Variants in CASP4 observed in about 807,000 individuals in gnomAD.
CASP4 encodes caspase-4.
CASP4 carries 29 observed loss-of-function variants against 41.3 expected under a neutral mutation model. The ratio of observed to expected loss-of-function variants is 0.70; its 90% CI spans 0.52 to 0.96. The LOEUF (loss-of-function observed/expected upper bound fraction) is 0.96, where lower values mean the gene tolerates loss of function less well. CASP4 is among the 40% of genes least tolerant of loss of function. The pLI, the probability that CASP4 is intolerant of heterozygous loss-of-function variation, is 0.00. For missense variants in CASP4, 447 were observed against 460.6 expected (o/e 0.97, Z 0.27); for synonymous variants, 185 against 158.4 (o/e 1.17, Z -1.26).
chr11:104,961,533 TG>T (rs1265838164), intron 1 of CASP4, among the ~76,000 whole-genome samples: 1 of 152,054 alleles, frequency 6.6e-6, no homozygotes, highest in Non-Finnish European at 1.5e-5. Flanking sequence ...CATTGCAGGG[TG>T]TCTGTTTGTA....
intron 1 of CASP4, chr11:104,956,667 C>T: frequency 1.0e-6 from 1 of 984,634 alleles, no homozygotes; most frequent in Non-Finnish European, 1.2e-6. Context: ...AACATTAGTG[C>T]ATTCCAACAG....
chr11:104,959,718 T>C (rs978574604), intron 1 of CASP4, among the ~76,000 whole-genome samples: 11 of 152,184 alleles, frequency 7.2e-5, no homozygotes, highest in Non-Finnish European at 1.0e-4. Flanking sequence ...TAGTAAATAA[T>C]ACCTATACTC....
rs1861025907 is a variant in CASP4 at position 104,968,535 on chromosome 11, C to A, written c.-10G>T. The A allele has an allele frequency of 6.2e-7, 1 of 1,613,070 alleles. No individual in the cohort carries two copies. The highest frequency in any genetic ancestry group is 8.5e-7 in the Non-Finnish European group (1 of 1,179,210). On this transcript the variant is annotated 5_prime_UTR_variant, in exon 1 of 9. Transcript: ENST00000444739. The stretch of plus-strand genomic sequence containing the variant: ...AGGACTCACCTGCCATAGGGAACAG[C>A]CTCTGTCCTTTTTTACAGCGTTGGA...
At chr11:104,947,330 A>T (rs1410901916) in intron 6 of CASP4, 138 bp from the exon 7 acceptor site, 1 of 472,666 alleles carries the variant, frequency 2.1e-6, no homozygotes, top group African/African-American at 2.0e-5. Flanking sequence ...AGCACTTACA[A>T]CCTGACATTT....
At chr11:104,948,279 T>C (rs918248603) in intron 6 of CASP4, 3 of 268,956 alleles carry the variant, frequency 1.1e-5, no homozygotes, top group Non-Finnish European at 2.1e-5. Flanking sequence ...AAAAACACTA[T>C]GTAAAATGTT....
chr11:104,944,534 C>T (rs1012019131), intron 8 of CASP4: 13 of 492,058 alleles, frequency 2.6e-5, no homozygotes, highest in Non-Finnish European at 4.0e-5. Context: ...TCCTTACCTC[C>T]TTGATTGATT....
chr11:104,950,373 C>A (rs775829229), intron 4 of CASP4, among the ~76,000 whole-genome samples: 2 of 152,120 alleles, frequency 1.3e-5, no homozygotes, highest in African/African-American at 2.4e-5. Context: ...CTCATATTTC[C>A]TTTTTATTTT....
Position 104,946,068 on chromosome 11 carries a change from T to A in CASP4, c.1035+1015A>T, listed in dbSNP as rs1173900292. On this transcript the variant is annotated intron_variant, in intron 7 of 8. Transcript: ENST00000444739. ...CCATGTTGCCCAGGTTGGCCTCAAA[T>A]TCCTGGGTTCAAGCCACTCCACCCT... is the stretch of plus-strand genomic sequence containing the variant. Among the ~76,000 whole-genome samples the A allele has an allele frequency of 2.0e-5, 3 of 152,096 alleles. No individual in the cohort carries two copies. In the East Asian group the frequency reaches 5.8e-4, roughly 29 times the overall value.
chr11:104,960,923 T>G (rs1342846990), intron 1 of CASP4, among the ~76,000 whole-genome samples: 7 of 152,368 alleles, frequency 4.6e-5, no homozygotes, highest in Non-Finnish European at 7.3e-5. Context: ...GAATATTTAC[T>G]AATTATTTAC....
chr11:104,949,377 G>C (rs1218049356), intron 5 of CASP4, 166 bp downstream of exon 5: 1 of 708,196 alleles, frequency 1.4e-6, no homozygotes. Context: ...ATTTTGATGA[G>C]ACAATTTCTT....
At chr11:104,951,166 A>T in intron 3 of CASP4, 68 bp from the exon 4 acceptor site, 2 of 1,430,876 alleles carry the variant, frequency 1.4e-6, no homozygotes, top group Non-Finnish European at 1.9e-6. Flanking sequence ...TATGCCTATC[A>T]GTGTTGCTTT....
At position 104,948,556 on chromosome 11, in the gene CASP4, A is replaced by G; in HGVS notation, c.902T>C (p.Ile301Thr). 8 of 1,609,444 alleles carry G rather than the reference A, an allele frequency of 5.0e-6. No homozygotes were observed. Among genetic ancestry groups the G allele is most frequent in the Non-Finnish European group, 6.8e-6 (8 of 1,177,222 alleles). The change falls in exon 6 of 9, where the codon ATT becomes ACT. Residue 301 changes from isoleucine to threonine, a missense_variant. Ile to Thr is a moderately conservative substitution (Grantham distance 89). Transcript: ENST00000444739. ...ACGTGGCGTTGAAGAGCAGAAAGCA[A>G]TGAAGTCCTTCTCCACGTGGGTCTT... is the stretch of plus-strand genomic sequence containing the variant. ...VYKTHVEKDFIAFCSSTPHNV... is the reference protein window; with the variant it reads ...VYKTHVEKDFTAFCSSTPHNV...
chr11:104,952,509 A>G (rs549164197), intron 2 of CASP4, among the ~76,000 whole-genome samples: 1 of 152,136 alleles, frequency 6.6e-6, no homozygotes, highest in African/African-American at 2.4e-5. Context: ...ATAACATACA[A>G]AAAGTATTAT....
At chr11:104,959,739 A>C (rs370675500) in intron 1 of CASP4, among the ~76,000 whole-genome samples, 1 of 152,192 alleles carries the variant, frequency 6.6e-6, no homozygotes, top group African/African-American at 2.4e-5. Flanking sequence ...CAAGTACAAA[A>C]GAGCAGCAAT....
chr11:104,949,805 T>C (rs752058475), intron 4 of CASP4, 28 bp from the exon 5 acceptor site: 24 of 1,603,534 alleles, frequency 1.5e-5, no homozygotes, highest in African/African-American at 4.0e-5. Context: ...CTAACTTCAG[T>C]CAGAGAAGCA....
At chr11:104,957,962 G>C (rs1478310555) in intron 1 of CASP4, among the ~76,000 whole-genome samples, 1 of 151,986 alleles carries the variant, frequency 6.6e-6, no homozygotes, top group Non-Finnish European at 1.5e-5. Context: ...CAAATGAACA[G>C]GACAGAAAAC....
intron 1 of CASP4, among the ~76,000 whole-genome samples, chr11:104,966,508 T>C (rs1047315027): frequency 1.3e-5 from 2 of 152,176 alleles, no homozygotes; most frequent in African/African-American, 2.4e-5. Flanking sequence ...ATAAGCAAAG[T>C]GTGTCTCAGG....
chr11:104,956,787 G>A (rs1860746562), intron 1 of CASP4: 2 of 199,594 alleles, frequency 1.0e-5, no homozygotes, highest in Non-Finnish European at 1.8e-5. Context: ...AGATTAGTGT[G>A]TGGGATATCC....
Position 104,944,863 on chromosome 11 carries a change from A to G in CASP4, c.1036-12T>C, listed in dbSNP as rs766582781. On this transcript the variant is annotated splice_polypyrimidine_tract_variant and intron_variant, in intron 7 of 8. Coordinates refer to ENST00000444739, the MANE Select transcript of CASP4 (RefSeq NM_001225.4). Reference sequence around the variant, plus strand: ...AATGATTGCTGTACCTGAAAAAGAAAATAGGCTGTAGATGAGATACGACTC... The same window carrying G: ...AATGATTGCTGTACCTGAAAAAGAAGATAGGCTGTAGATGAGATACGACTC... The G allele has an allele frequency of 1.3e-6, 2 of 1,558,256 alleles. No homozygotes were observed. Among genetic ancestry groups the G allele is most frequent in the Non-Finnish European group, 1.8e-6 (2 of 1,129,316 alleles).
Sources: allele counts gnomAD v4.1 joint callset (sites outside exome capture counted in the v4.1 genomes callset), GRCh38; gene constraint gnomAD v4.1.1; transcripts MANE v1.5; gene names NCBI Gene and HGNC (gene_info 2026-07-23, HGNC 2026-07-21).